Variants in NCAM2 observed in about 807,000 individuals in gnomAD.
The protein encoded by NCAM2 is N-CAM-2.
Under a neutral mutation model 98.1 loss-of-function variants are expected in NCAM2, and 30 were observed. The ratio of observed to expected loss-of-function variants is 0.31; its 90% CI spans 0.23 to 0.41. The LOEUF (loss-of-function observed/expected upper bound fraction) is 0.41. Among genes scored for constraint, NCAM2 ranks in the 10% least tolerant of loss-of-function variants. The pLI, the probability that NCAM2 is intolerant of heterozygous loss-of-function variation, is 1.00. For synonymous variants in NCAM2, 368 were observed against 342.4 expected, an observed-to-expected ratio of 1.07 and a Z score of -0.83; for missense variants, 867 against 1,005.8, an observed-to-expected ratio of 0.86 and a Z score of 1.87.
At chr21:21,517,275 AT>A (rs1425392447) in intron 16 of NCAM2, among the ~76,000 whole-genome samples, 2 of 152,136 alleles carry the variant, frequency 1.3e-5, no homozygotes, top group Non-Finnish European at 2.9e-5. Flanking sequence ...ATATTCTTAT[AT>A]CCTTTATTAC....
chr21:21,138,574 CT>C (rs965827306), intron 1 of NCAM2, among the ~76,000 whole-genome samples: 1 of 152,046 alleles, frequency 6.6e-6, no homozygotes, highest in African/African-American at 2.4e-5. Context: ...AGGGATGCAT[CT>C]TTTTTTAACA....
chr21:21,069,636 A>G (rs184598085), intron 1 of NCAM2, among the ~76,000 whole-genome samples: 69 of 152,310 alleles, frequency 4.5e-4, no homozygotes, highest in African/African-American at 1.6e-3. Context: ...AATAAAATGT[A>G]TGACACAAAT....
At chr21:21,369,154 T>G (rs572912616) in intron 8 of NCAM2, among the ~76,000 whole-genome samples, 1 of 158 alleles carries the variant, frequency 6.3e-3, no homozygotes, top group African/African-American at 0.025. Context: ...AAGCAAACAT[T>G]ATTCTACTTT....
intron 1 of NCAM2, among the ~76,000 whole-genome samples, chr21:21,159,867 A>G (rs1159350728): frequency 6.6e-6 from 1 of 152,106 alleles, no homozygotes; most frequent in East Asian, 1.9e-4. Flanking sequence ...AATGTAAAAA[A>G]AATGAGTATA....
intron 17 of NCAM2, among the ~76,000 whole-genome samples, chr21:21,535,628 G>A (rs1284810925): frequency 6.6e-6 from 1 of 151,830 alleles, no homozygotes; most frequent in African/African-American, 2.4e-5. Context: ...AAATCCTCGG[G>A]CCAATTTTAG....
At chr21:21,378,734 TCTAGTAC>T (rs1484217164) in intron 9 of NCAM2, among the ~76,000 whole-genome samples, 5 of 152,086 alleles carry the variant, frequency 3.3e-5, no homozygotes, top group African/African-American at 9.7e-5. Flanking sequence ...AGTTTGTTTA[TCTAGTAC>T]CTATTGATGG....
chr21:21,450,208 T>A (rs539871712), intron 12 of NCAM2, among the ~76,000 whole-genome samples: 1 of 152,134 alleles, frequency 6.6e-6, no homozygotes. Flanking sequence ...ACTGAATAAA[T>A]GATTGACAAT....
rs540531984 is a variant in NCAM2 at position 21,538,859 on chromosome 21, T to C, written c.*902T>C. ...TTATCAAAAAACAAGTCTTTAGTGT[T>C]CAAATACTTCAAATCATATCCTCAG... is the stretch of plus-strand genomic sequence containing the variant. On this transcript the variant is annotated 3_prime_UTR_variant, in exon 18 of 18. Transcript: ENST00000400546. 5.3e-5 allele frequency: 8 copies of C among 152,276 alleles called. No individual in the cohort carries two copies. Among genetic ancestry groups the C allele is most frequent in the African/African-American group, 1.9e-4 (8 of 41,570 alleles). 9.4% of individuals were successfully genotyped at this position (152,276 alleles called of 1,614,324 possible). A position where few individuals can be genotyped will look rare whatever the true frequency, so the allele number is the denominator to read the frequency against.
intron 8 of NCAM2, among the ~76,000 whole-genome samples, chr21:21,372,293 A>G (rs2075936230): frequency 6.6e-6 from 1 of 151,850 alleles, no homozygotes; most frequent in Admixed American, 6.6e-5. Flanking sequence ...TTAAATAAGC[A>G]ATTCTTAAAC....
intron 15 of NCAM2, among the ~76,000 whole-genome samples, chr21:21,498,185 A>G (rs549743208): frequency 2.0e-5 from 3 of 152,206 alleles, no homozygotes; most frequent in South Asian, 4.1e-4. Flanking sequence ...AATCCCTCCA[A>G]CTGGCCACAC....
intron 12 of NCAM2, among the ~76,000 whole-genome samples, chr21:21,458,470 A>C (rs114499650): frequency 6.6e-6 from 1 of 152,204 alleles, no homozygotes; most frequent in Non-Finnish European, 1.5e-5. Flanking sequence ...ACTTAGGGGC[A>C]GTGTGGGAGT....
At chr21:21,074,003 T>C (rs897701673) in intron 1 of NCAM2, among the ~76,000 whole-genome samples, 2 of 152,298 alleles carry the variant, frequency 1.3e-5, no homozygotes, top group Admixed American at 6.5e-5. Flanking sequence ...CTCCCTTAGC[T>C]CTTTCTACAA....
chr21:21,250,012 T>C (rs2071415837), intron 1 of NCAM2, among the ~76,000 whole-genome samples: 1 of 152,186 alleles, frequency 6.6e-6, no homozygotes, highest in African/African-American at 2.4e-5. Flanking sequence ...CAGGTCCTCT[T>C]TTGTGCTGTT....
At chr21:21,195,194 C>T (rs553752219) in intron 1 of NCAM2, among the ~76,000 whole-genome samples, 2 of 152,108 alleles carry the variant, frequency 1.3e-5, no homozygotes, top group South Asian at 4.2e-4. Context: ...ACACATAGAA[C>T]CTCAAAGAAA....
chr21:21,136,162 G>A (rs2067045720), intron 1 of NCAM2, among the ~76,000 whole-genome samples: 1 of 152,174 alleles, frequency 6.6e-6, no homozygotes, highest in Admixed American at 6.5e-5. Context: ...AACATTAGGG[G>A]TCACTCTGGT....
chr21:21,457,608 C>G (rs921009726), intron 12 of NCAM2, among the ~76,000 whole-genome samples: 4 of 151,684 alleles, frequency 2.6e-5, no homozygotes, highest in African/African-American at 9.7e-5. Context: ...CCATTACACA[C>G]CAGCCTGGGC....
intron 16 of NCAM2, among the ~76,000 whole-genome samples, chr21:21,524,431 A>G (rs1337163834): frequency 6.6e-6 from 1 of 151,824 alleles, no homozygotes; most frequent in Non-Finnish European, 1.5e-5. Flanking sequence ...CAGAAAAAAA[A>G]AAAAAAATGG....
At chr21:21,495,647 A>G (rs1051235250) in intron 15 of NCAM2, among the ~76,000 whole-genome samples, 8 of 152,036 alleles carry the variant, frequency 5.3e-5, no homozygotes, top group Non-Finnish European at 1.2e-4. Flanking sequence ...CTTCACCACT[A>G]AAATTCCAAT....
intron 8 of NCAM2, among the ~76,000 whole-genome samples, chr21:21,364,193 AAT>A (rs2075726463): frequency 6.6e-6 from 1 of 151,990 alleles, no homozygotes; most frequent in African/African-American, 2.4e-5. Flanking sequence ...TTCAGATTTT[AAT>A]TTTTTTAGTA....
Sources: gnomAD v4.1 joint callset for allele counts (sites outside exome capture counted in the v4.1 genomes callset) on GRCh38, gnomAD v4.1.1 for gene constraint, MANE v1.5 for transcripts, NCBI Gene and HGNC (gene_info 2026-07-23, HGNC 2026-07-21) for gene names.